Variants in GTPBP3 observed in about 807,000 individuals in gnomAD.
GTPBP3 encodes the protein GTP binding protein 3, mitochondrial.
In GTPBP3, 35 loss-of-function variants were observed where a neutral mutation model predicts 42.0. The ratio of observed to expected loss-of-function variants is 0.83; its 90% confidence interval spans 0.64 to 1.10. The LOEUF (loss-of-function observed/expected upper bound fraction) is 1.10. GTPBP3 is among the 50% of genes least tolerant of loss of function. GTPBP3 has a pLI of 0.00. For missense variants in GTPBP3, 691 were observed against 685.2 expected, an observed-to-expected ratio of 1.01 and a Z score of -0.09; for synonymous variants, 332 against 314.9, an observed-to-expected ratio of 1.05 and a Z score of -0.58.
At chr19:17,337,441 C>G, upstream of GTPBP3, 1 of 1,221,558 alleles carries the variant, frequency 8.2e-7, no homozygotes, top group African/African-American at 1.6e-5. Context: ...TTGCACCAGC[C>G]AATGGAAGCG....
At position 17,338,556 on chromosome 19, in the gene GTPBP3, C is replaced by A. The variant is rs1222603360; in HGVS notation, c.406C>A (p.Arg136=). The A allele has an allele frequency of 3.7e-6, 6 of 1,613,638 alleles. No homozygotes were observed. The African/African-American group carries it at 8.0e-5, about 22-fold the overall frequency. Reference sequence around the variant, plus strand: ...TCCTGCAGGCAGCGTGCCAGGGCTTCGACCGGCGGAGGCAGGCGAGTTCAC... The same window carrying A: ...TCCTGCAGGCAGCGTGCCAGGGCTTAGACCGGCGGAGGCAGGCGAGTTCAC... ...LQALGSVPGL[R]PAEAGEFTRR... Residue 136 remains arginine (R), a synonymous_variant, in exon 4 of 9, where the codon CGA becomes AGA. Transcript: ENST00000324894.
upstream of GTPBP3, chr19:17,337,513 G>C: frequency 7.8e-7 from 1 of 1,276,326 alleles, no homozygotes; most frequent in Non-Finnish European, 1.0e-6. Context: ...GAGAATAGTT[G>C]AGCACTTTAC....
intron 6 of GTPBP3, 74 bp downstream of exon 6, chr19:17,339,340 G>C: frequency 1.9e-6 from 3 of 1,580,814 alleles, no homozygotes; most frequent in Non-Finnish European, 2.6e-6. Context: ...TGAGTTAGTT[G>C]TTCAGGTCTA....
chr19:17,340,183 C>T (rs1690730302), intron 7 of GTPBP3, among the ~76,000 whole-genome samples: 1 of 151,856 alleles, frequency 6.6e-6, no homozygotes, highest in Non-Finnish European at 1.5e-5. Context: ...TAGAGGCGCC[C>T]ACCACAATGC....
chr19:17,341,494 A>G lies in GTPBP3; in HGVS notation c.1270A>G (p.Thr424Ala), dbSNP rs760050560. Residue 424 changes from threonine (T) to alanine (A), a missense_variant, in exon 9 of 9, where the codon ACA becomes GCA. Transcript: ENST00000324894. ...CTCTTCCAGGTGTGGGGACCCGTCC[A>G]CAGATCCCCCGCTGCTGACCCGAGC... ...ELAAVCGDPS[T>A]DPPLLTRARH... 6 of 1,611,984 alleles carry G rather than the reference A, an allele frequency of 3.7e-6. No individual in the cohort carries two copies. In the East Asian group the frequency reaches 8.9e-5, roughly 24 times the overall value.
rs1312231447 is a variant in GTPBP3 at position 17,339,183 on chromosome 19, G to A, written c.725G>A (p.Arg242His). 1.9e-6 allele frequency: 3 copies of A among 1,613,632 alleles called. No individual in the cohort carries two copies. Among genetic ancestry groups the A allele is most frequent in the East Asian group, 2.2e-5 (1 of 44,900 alleles). The part of the protein sequence containing the change: ...ALGAHLRDAR[R>H]GQRLRSGVHV... ...GGTGCACATCTACGAGATGCCAGGC[G>A]CGGGCAGAGGCTCCGCTCAGGGGTG... is the stretch of plus-strand genomic sequence containing the variant. The change falls in exon 6 of 9, where the codon CGC becomes CAC. Residue 242 changes from arginine to histidine, a missense_variant. Transcript: ENST00000324894.
chr19:17,340,252 G>A (rs2074415488), intron 7 of GTPBP3, among the ~76,000 whole-genome samples: 1 of 151,662 alleles, frequency 6.6e-6, no homozygotes, highest in Non-Finnish European at 1.5e-5. Context: ...GGCCAGGCTG[G>A]TCTCGAACTC....
chr19:17,335,180 G>A (rs985587591), upstream of GTPBP3: 9 of 1,533,438 alleles, frequency 5.9e-6, no homozygotes, highest in Non-Finnish European at 7.9e-6. Context: ...GATTCCTGGT[G>A]ACAATAACTT....
In GTPBP3 at chr19:17,337,652, G is replaced by C; in HGVS notation, c.41G>C (p.Arg14Pro). The C allele has an allele frequency of 7.5e-7, 1 of 1,334,004 alleles. No homozygotes were observed. Among genetic ancestry groups the C allele is most frequent in the East Asian group, 3.0e-5 (1 of 33,076 alleles). The allele number at this position is 1,334,004 out of a possible 1,614,324, so 82.6% of individuals were successfully genotyped here. ...TGGACCCTGGCGGCCCAAGCGGCAC[G>C]TGGGCCTCGCAGGTGGGGCTACAGG... Reference protein sequence around the residue: ...GLWTLAAQAARGPRRLCTRRS... With the variant: ...GLWTLAAQAAPGPRRLCTRRS... The change falls in exon 1 of 9, where the codon CGT (arginine) becomes CCT (proline). Residue 14 changes from arginine to proline, a missense_variant. Transcript: ENST00000324894.
rs1161434848 is a variant in GTPBP3, at chr19:17,338,706, C to G, written c.556C>G (p.His186Asp). ...CAGGCAGCTGGACGGAGAGCTGGGCCACCTCTGCCGTGGCTGGGCCGAGAC... is the reference window on the plus strand; with the variant it reads ...CAGGCAGCTGGACGGAGAGCTGGGCGACCTCTGCCGTGGCTGGGCCGAGAC... ...ALRQLDGELG[H>D]LCRGWAETLT... The change falls in exon 4 of 9, where the codon CAC (histidine) becomes GAC (aspartate). Residue 186 changes from histidine (H) to aspartate (D), a missense_variant. By Grantham distance (81) the His-to-Asp change is moderately conservative. Transcript: ENST00000324894. The G allele has an allele frequency of 1.7e-5, 28 of 1,612,990 alleles. No individual in the cohort carries two copies. Among genetic ancestry groups the G allele is most frequent in the East Asian group, 2.2e-5 (1 of 44,850 alleles).
chr19:17,340,798 C>CTGCTGCTGTCCTGTCTGACGGGAGA, intron 7 of GTPBP3: 3 of 561,138 alleles, frequency 5.3e-6, no homozygotes, highest in East Asian at 3.1e-5. Flanking sequence ...GCTCCCGCAC[C>CTGCTGCTGTCCTGTCTGACGGGAGA]GTGACCGCTC....
At chr19:17,336,229 C>T (rs369017528), upstream of GTPBP3, among the ~76,000 whole-genome samples, 22 of 133,068 alleles carry the variant, frequency 1.7e-4, no homozygotes, top group Middle Eastern at 3.9e-3. Flanking sequence ...GAGCGAGACC[C>T]CGTCTCAAAA....
intron 7 of GTPBP3, 118 bp downstream of exon 7, chr19:17,339,717 A>T: frequency 2.1e-6 from 2 of 950,644 alleles, no homozygotes; most frequent in African/African-American, 3.4e-5. Flanking sequence ...CCTATCAAGC[A>T]TGGATCTCAG....
chr19:17,337,423 G>T (rs1599556469), upstream of GTPBP3: 2 of 1,183,782 alleles, frequency 1.7e-6, no homozygotes, highest in Non-Finnish European at 2.1e-6. Flanking sequence ...TCCCGCTCCC[G>T]CTCTCCCTTG....
upstream of GTPBP3, among the ~76,000 whole-genome samples, chr19:17,335,994 G>T (rs1458805508): frequency 6.6e-6 from 1 of 152,042 alleles, no homozygotes; most frequent in Non-Finnish European, 1.5e-5. Context: ...CAGCATTTTG[G>T]GAGGCCAAGG....
In GTPBP3 at chr19:17,339,549, G is replaced by C; in HGVS notation, c.924G>C (p.Arg308=). 6.2e-7 allele frequency: 1 copy of C among 1,613,038 alleles called. No homozygotes were observed. The highest frequency in any genetic ancestry group is 8.5e-7 in the Non-Finnish European group (1 of 1,179,744). Residue 308 remains arginine, a synonymous_variant, in exon 7 of 9, where the codon CGG becomes CGC. Transcript: ENST00000324894. The part of the protein sequence containing the change: ...PVLLSDTAGL[R]EGVGPVEQEG... ...TGCTGAGCGACACGGCTGGGTTGCG[G>C]GAGGGCGTGGGGCCCGTGGAGCAGG... is the stretch of plus-strand genomic sequence containing the variant.
At position 17,338,206 on chromosome 19, in the gene GTPBP3, TC is replaced by T; in HGVS notation, c.256del (p.Arg86AlafsTer37). On this transcript the variant is annotated frameshift_variant, in exon 2 of 9. Coordinates refer to ENST00000324894, the MANE Select transcript of GTPBP3 (RefSeq NM_032620.4). LOFTEE classifies it high-confidence loss of function. ...ACGCCAGCCTGCGCCTGCTCAGCGA[TC>T]CCCGCTCCGGGGAGCCTCTGGACCG... is the stretch of plus-strand genomic sequence containing the variant. ...RHASLRLLSD[P>X]RSGEPLDRAL... 1.3e-6 allele frequency: 2 copies of T among 1,584,094 alleles called. No homozygotes were observed.
chr19:17,335,119 G>A, upstream of GTPBP3: 1 of 1,536,058 alleles, frequency 6.5e-7, no homozygotes, highest in Non-Finnish European at 8.7e-7. Context: ...AATGTGAGAT[G>A]GGCGTAAGTT....
chr19:17,341,334 C>G lies in GTPBP3; in HGVS notation c.1253+12C>G, dbSNP rs755011281. 4.1e-5 allele frequency: 65 copies of G among 1,579,616 alleles called. No homozygotes were observed. The highest frequency in any genetic ancestry group is 5.5e-5 in the Non-Finnish European group (64 of 1,164,088). On this transcript the variant is annotated intron_variant, in intron 8 of 8. Coordinates refer to ENST00000324894, the MANE Select transcript of GTPBP3 (RefSeq NM_032620.4). Reference sequence around the variant, plus strand: ...GAGCTAGCTGCAGTGTGAGCCCCCTCCCACTCCCAGCCTCCCCTGACCCAC... The same window carrying G: ...GAGCTAGCTGCAGTGTGAGCCCCCTGCCACTCCCAGCCTCCCCTGACCCAC...
Sources: gnomAD v4.1 joint callset for allele counts (sites outside exome capture counted in the v4.1 genomes callset) on GRCh38, gnomAD v4.1.1 for gene constraint, MANE v1.5 for transcripts, NCBI Gene and HGNC (gene_info 2026-07-23, HGNC 2026-07-21) for gene names.